LENG8: variants seen among roughly 807,000 people sequenced by gnomAD.
The protein encoded by LENG8 is leukocyte receptor cluster member 8.
Under a neutral mutation model 102.1 loss-of-function variants are expected in LENG8, and 28 were observed. The observed-to-expected ratio is 0.27, with a 90% confidence interval of 0.20 to 0.38. The LOEUF is 0.38. Among genes scored for constraint, LENG8 ranks in the 10% least tolerant of loss-of-function variants. The probability of loss-of-function intolerance (pLI) is 1.00; values close to 1 mark genes in which losing one functional copy is unlikely to be tolerated. For missense variants in LENG8, 1,022 were observed against 1,113.9 expected, an observed-to-expected ratio of 0.92 and a Z score of 1.17; for synonymous variants, 531 against 456.7, an observed-to-expected ratio of 1.16 and a Z score of -2.07.
At position 54,461,452 on chromosome 19, in the gene LENG8, T is replaced by TA. The variant is rs1226593825; in HGVS notation, c.*525dup. The stretch of plus-strand genomic sequence containing the variant: ...CCGTGTTTGGGGTGGGGGAGCTGCT[T>TA]AGAGACTGTGCCCGTCCTCGGCCCC... On this transcript the variant is annotated 3_prime_UTR_variant, in exon 16 of 16. Coordinates refer to ENST00000326764, the MANE Select transcript of LENG8 (RefSeq NM_052925.4). 4 of 461,410 alleles carry TA rather than the reference T, an allele frequency of 8.7e-6. No homozygotes were observed. In the East Asian group the frequency reaches 2.8e-4, roughly 32 times the overall value. 28.6% of individuals were successfully genotyped at this position (461,410 alleles called of 1,614,324 possible). A position where few individuals can be genotyped will look rare whatever the true frequency, so the allele number is the denominator to read the frequency against.
At chr19:54,450,259 A>G (rs1354536097) in intron 1 of LENG8, among the ~76,000 whole-genome samples, 3 of 152,192 alleles carry the variant, frequency 2.0e-5, no homozygotes, top group East Asian at 1.9e-4. Context: ...AGGCAGGGGT[A>G]GTCCCACTGA....
At chr19:54,459,722 C>G in intron 15 of LENG8, 1 of 1,042,586 alleles carries the variant, frequency 9.6e-7, no homozygotes. Context: ...ATTCTGGAAT[C>G]TAGTGTGGGT....
intron 1 of LENG8, among the ~76,000 whole-genome samples, chr19:54,449,910 G>A (rs920024022): frequency 1.3e-5 from 2 of 152,102 alleles, no homozygotes; most frequent in East Asian, 1.9e-4. Context: ...CTCCACCCAC[G>A]CCCTGTGTCC....
intron 15 of LENG8, 112 bp downstream of exon 15, chr19:54,458,633 T>G: frequency 6.4e-7 from 1 of 1,561,150 alleles, no homozygotes; most frequent in Non-Finnish European, 8.7e-7. Context: ...ACCCTTGTCC[T>G]GGTCCTTGCT....
At position 54,454,626 on chromosome 19, in the gene LENG8, C is replaced by T. The variant is rs763962229; in HGVS notation, c.623C>T (p.Thr208Ile). 13 of 1,609,468 alleles carry T rather than the reference C, an allele frequency of 8.1e-6. No individual in the cohort carries two copies. The South Asian group carries it at 1.1e-4, about 14-fold the overall frequency. ...PATGQAYGPH[T>I]YTEPAKPKKG... is the part of the protein sequence containing the mutation. ...ACGGGCCAGGCCTATGGGCCACACACCTACACCGAACCTGCCAAGCCCAAG... is the reference window on the plus strand; with the variant it reads ...ACGGGCCAGGCCTATGGGCCACACATCTACACCGAACCTGCCAAGCCCAAG... The change falls in exon 6 of 16, where the codon ACC becomes ATC. Residue 208 changes from threonine (T) to isoleucine (I), a missense_variant. Transcript: ENST00000326764.
intron 15 of LENG8, chr19:54,459,103 T>G: frequency 7.3e-7 from 1 of 1,376,640 alleles, no homozygotes; most frequent in Non-Finnish European, 9.4e-7. Flanking sequence ...TGGGTGGGGA[T>G]GAGTTGCTTG....
chr19:54,456,703 C>A lies in LENG8; in HGVS notation c.1513C>A (p.Arg505=). ...GGCGCTGGAGTGTGAGGACCCGGAG[C>A]GAGAGCTGAAGAAGCAGAAGCGGGC... ...MAALECEDPE[R]ELKKQKRAAR... Residue 505 remains arginine (R), a synonymous_variant, in exon 11 of 16, where the codon CGA becomes AGA. Coordinates refer to ENST00000326764, the MANE Select transcript of LENG8 (RefSeq NM_052925.4). 1 of 1,613,310 alleles carries A rather than the reference C, an allele frequency of 6.2e-7. No individual in the cohort carries two copies. Among genetic ancestry groups the A allele is most frequent in the Non-Finnish European group, 8.5e-7 (1 of 1,179,782 alleles).
chr19:54,453,130 C>G (rs1569291428), intron 4 of LENG8, among the ~76,000 whole-genome samples: 1 of 152,196 alleles, frequency 6.6e-6, no homozygotes, highest in Non-Finnish European at 1.5e-5. Context: ...ACCTGACACA[C>G]TGATTGAAAG....
chr19:54,452,252 T>C lies in LENG8; in HGVS notation c.198T>C (p.Pro66=), dbSNP rs1418525732. ...CTGCCAAGTCCAGCAGCAATGGGCCTGTGGCCAGTGCACAGGTGAGAAGGC... is the reference window on the plus strand; with the variant it reads ...CTGCCAAGTCCAGCAGCAATGGGCCCGTGGCCAGTGCACAGGTGAGAAGGC... The part of the protein sequence containing the change: ...GGSAKSSSNG[P]VASAQYVSQA... The change falls in exon 3 of 16, where the codon CCT becomes CCC. Residue 66 remains proline, a synonymous_variant. Transcript: ENST00000326764. 1 of 1,612,438 alleles carries C rather than the reference T, an allele frequency of 6.2e-7. No individual in the cohort carries two copies.
chr19:54,460,597 C>A (rs1034011739), intron 15 of LENG8, 169 bp from the exon 16 acceptor site: 5 of 1,350,444 alleles, frequency 3.7e-6, no homozygotes, highest in Admixed American at 3.1e-5. Flanking sequence ...CCCCCCCGGG[C>A]CCCCCCCGAG....
In LENG8 at chr19:54,461,709, A is replaced by C. The variant is rs2123242524; in HGVS notation, c.*781A>C. 1 of 488,970 alleles carries C rather than the reference A, an allele frequency of 2.0e-6. No homozygotes were observed. Among genetic ancestry groups the C allele is most frequent in the East Asian group, 6.4e-5 (1 of 15,728 alleles). 30.3% of individuals were successfully genotyped at this position (488,970 alleles called of 1,614,324 possible). ...ACGGTTCCCCTCCCTCCCTGCCTTC[A>C]TGGATCACCAGCTCACGTCATGTTG... On this transcript the variant is annotated 3_prime_UTR_variant, in exon 16 of 16. Coordinates refer to ENST00000326764, the MANE Select transcript of LENG8 (RefSeq NM_052925.4).
In LENG8 at chr19:54,461,548, G is replaced by A. The variant is rs1477174520; in HGVS notation, c.*620G>A. ...ACACCGCACTGAGGACACGCCGGCC[G>A]GGCCGCCTCGTCTCAAGTTGTATAA... On this transcript the variant is annotated 3_prime_UTR_variant, in exon 16 of 16. Coordinates refer to ENST00000326764, the MANE Select transcript of LENG8 (RefSeq NM_052925.4). 2 of 471,862 alleles carry A rather than the reference G, an allele frequency of 4.2e-6. No homozygotes were observed. Among genetic ancestry groups the A allele is most frequent in the Admixed American group, 2.3e-5 (1 of 42,604 alleles). 29.2% of individuals were successfully genotyped at this position (471,862 alleles called of 1,614,324 possible).
intron 15 of LENG8, chr19:54,460,085 G>A (rs2084453545): frequency 3.9e-6 from 5 of 1,289,600 alleles, no homozygotes; most frequent in Non-Finnish European, 5.1e-6. Flanking sequence ...AGCTGAGACT[G>A]GGAGACGGAG....
chr19:54,455,657 A>C, intron 8 of LENG8, 90 bp downstream of exon 8: 1 of 1,199,622 alleles, frequency 8.3e-7, no homozygotes, highest in Non-Finnish European at 1.2e-6. Context: ...GGTCCCAGGT[A>C]CCAGGAGCTC....
rs2084485995 is a variant in LENG8, at chr19:54,460,598, C to T, written c.2241-168C>T. The stretch of plus-strand genomic sequence containing the variant: ...CTGGGGTCACTAACCCCCCCCGGGC[C>T]CCCCCCGAGCCCCTGAGGTGGGGAG... On this transcript the variant is annotated intron_variant, in intron 15 of 15. Coordinates refer to ENST00000326764, the MANE Select transcript of LENG8 (RefSeq NM_052925.4). The T allele has an allele frequency of 5.7e-6, 8 of 1,415,130 alleles. No individual in the cohort carries two copies. The South Asian group carries it at 7.6e-5, about 13-fold the overall frequency. 87.7% of individuals were successfully genotyped at this position (1,415,130 alleles called of 1,614,324 possible).
rs45514896 is a variant in LENG8, at chr19:54,461,169, G to A, written c.*241G>A. Reference sequence around the variant, plus strand: ...GAGGGGATGGGCAGCGGAGGGTTGGGGGCATGGTCTGCAGGCTCATCTGTG... The same window carrying A: ...GAGGGGATGGGCAGCGGAGGGTTGGAGGCATGGTCTGCAGGCTCATCTGTG... On this transcript the variant is annotated 3_prime_UTR_variant, in exon 16 of 16. Coordinates refer to ENST00000326764, the MANE Select transcript of LENG8 (RefSeq NM_052925.4). 2.9e-6 allele frequency: 2 copies of A among 697,890 alleles called. No homozygotes were observed. The highest frequency in any genetic ancestry group is 5.2e-6 in the Non-Finnish European group (2 of 385,346). The allele number at this position is 697,890 out of a possible 1,614,324, so 43.2% of individuals were successfully genotyped here. A position where few individuals can be genotyped will look rare whatever the true frequency, so the allele number is the denominator to read the frequency against.
At chr19:54,458,636 T>A (rs974585957) in intron 15 of LENG8, 115 bp downstream of exon 15, 37 of 1,559,428 alleles carry the variant, frequency 2.4e-5, no homozygotes, top group Non-Finnish European at 3.0e-5. Flanking sequence ...CTTGTCCTGG[T>A]CCTTGCTTCC....
Position 54,456,262 on chromosome 19 carries a change from CT to C in LENG8, c.1304+18del, listed in dbSNP as rs1165919253. The C allele has an allele frequency of 6.2e-7, 1 of 1,614,086 alleles. No homozygotes were observed. The highest frequency in any genetic ancestry group is 8.5e-7 in the Non-Finnish European group (1 of 1,179,972). On this transcript the variant is annotated intron_variant, in intron 9 of 15. Coordinates refer to ENST00000326764, the MANE Select transcript of LENG8 (RefSeq NM_052925.4). ...CCGCAGAAGGTACTGAGGCTCCCGG[CT>C]GGGGCTGTGTGTGAGGGAGGGGGAG...
chr19:54,453,417 A>G lies in LENG8; in HGVS notation c.316-129A>G, dbSNP rs1184461108. On this transcript the variant is annotated intron_variant, in intron 4 of 15. Coordinates refer to ENST00000326764, the MANE Select transcript of LENG8 (RefSeq NM_052925.4). ...CCTAATATATGAGAGGATGTGGTGC[A>G]TTAATATAGTGAAGAGAGAAAGGGG... The G allele has an allele frequency of 3.0e-5, 20 of 657,676 alleles. 1 individual carries two copies. The highest frequency in any genetic ancestry group is 3.0e-4 in the South Asian group (18 of 60,340). The allele number at this position is 657,676 out of a possible 1,614,324, so 40.7% of individuals were successfully genotyped here. A position where few individuals can be genotyped will look rare whatever the true frequency, so the allele number is the denominator to read the frequency against.
Sources: gnomAD v4.1 joint callset for allele counts (sites outside exome capture counted in the v4.1 genomes callset) on GRCh38, gnomAD v4.1.1 for gene constraint, MANE v1.5 for transcripts, NCBI Gene and HGNC (gene_info 2026-07-23, HGNC 2026-07-21) for gene names.